The following TSPEAR variants were observed in gnomAD, a reference collection of about 807,000 sequenced individuals.
TSPEAR encodes thrombospondin type laminin G domain and EAR repeats, also known as thrombospondin-type laminin G domain and EAR repeat-containing protein.
In TSPEAR, 69 loss-of-function variants were observed where a neutral mutation model predicts 71.6. The ratio of observed to expected loss-of-function variants is 0.96; its 90% CI spans 0.79 to 1.18. The LOEUF (loss-of-function observed/expected upper bound fraction) is 1.18, where lower values mean the gene tolerates loss of function less well. Among genes scored for constraint, TSPEAR ranks in the 50% most tolerant of loss-of-function variants. The pLI, the probability that TSPEAR is intolerant of heterozygous loss-of-function variation, is 0.00. For synonymous variants in TSPEAR, 402 were observed against 387.2 expected, an observed-to-expected ratio of 1.04 and a Z score of -0.45; for missense variants, 971 against 894.9, an observed-to-expected ratio of 1.09 and a Z score of -1.09.
rs372616312 is a variant in TSPEAR, at chr21:44,600,655, G to A, written c.83-32650C>T. On this transcript the variant is annotated intron_variant, in intron 1 of 11. Transcript: ENST00000323084. The stretch of plus-strand genomic sequence containing the variant: ...GTCCACTATGTCTGTCTGCTCCAGC[G>A]ACCTGAGCTACGGCAGCCGCGTCTG... 3.3e-5 allele frequency: 53 copies of A among 1,613,616 alleles called. 1 individual carries two copies. The African/African-American group carries it at 5.1e-4, about 15-fold the overall frequency.
intron 1 of TSPEAR, among the ~76,000 whole-genome samples, chr21:44,572,981 C>T (rs999301072): frequency 2.0e-5 from 3 of 151,726 alleles, no homozygotes; most frequent in East Asian, 1.9e-4. Context: ...GTGAGGGGAG[C>T]GGGGTGAGAC....
At position 44,525,848 on chromosome 21, in the gene TSPEAR, G is replaced by C. The variant is rs782349706; in HGVS notation, c.1150-9C>G. Reference sequence around the variant, plus strand: ...GCCACTGCCAGGAAGATCTGAAAGAGAGTAAACCGGGACCACGTGGTTCTG... The same window carrying C: ...GCCACTGCCAGGAAGATCTGAAAGACAGTAAACCGGGACCACGTGGTTCTG... On this transcript the variant is annotated splice_polypyrimidine_tract_variant and intron_variant, in intron 7 of 11. Transcript: ENST00000323084. The C allele has an allele frequency of 6.2e-7, 1 of 1,613,870 alleles. No individual in the cohort carries two copies. The highest frequency in any genetic ancestry group is 8.5e-7 in the Non-Finnish European group (1 of 1,179,924).
At chr21:44,667,268 A>T (rs781946437) in intron 1 of TSPEAR, among the ~76,000 whole-genome samples, 5 of 152,206 alleles carry the variant, frequency 3.3e-5, no homozygotes, top group East Asian at 3.9e-4. Context: ...TCCTTAAACC[A>T]CAGAAGTTTA....
rs372173836 is a variant in TSPEAR at position 44,529,858 on chromosome 21, G to C, written c.730C>G (p.Arg244Gly). The change falls in exon 5 of 12, where the codon CGG becomes GGG. Residue 244 changes from arginine to glycine, a missense_variant. Physicochemically the swap from Arg to Gly is moderately radical, Grantham distance 125 (BLOSUM62 -2). Transcript: ENST00000323084. ...NAPLAVLSIP[R>G]VLQALTGKPE... ...TTCCCCGTGAGAGCCTGCAGGACCCGTGGGATGGACAGCACCGCCAGCGGG... is the reference window on the plus strand; with the variant it reads ...TTCCCCGTGAGAGCCTGCAGGACCCCTGGGATGGACAGCACCGCCAGCGGG... 3.7e-6 allele frequency: 6 copies of C among 1,613,810 alleles called. No individual in the cohort carries two copies. In the East Asian group the frequency reaches 8.9e-5, roughly 24 times the overall value.
At chr21:44,657,950 TC>T in intron 1 of TSPEAR, 1 of 1,599,544 alleles carries the variant, frequency 6.3e-7, no homozygotes. Flanking sequence ...ACCATCCTCC[TC>T]CCCAGTACCA....
rs782777912 is a variant in TSPEAR at position 44,638,022 on chromosome 21, G to A, written c.83-70017C>T. 1.2e-5 allele frequency: 20 copies of A among 1,613,186 alleles called. No individual in the cohort carries two copies. The highest frequency in any genetic ancestry group is 1.7e-5 in the Admixed American group (1 of 59,900). On this transcript the variant is annotated intron_variant, in intron 1 of 11. Transcript: ENST00000323084. ...TGCCACCCTGTGTGCAAGTCCACCTGCTGCGTGCCCGTCCCCTCCTGCGGT... is the reference window on the plus strand; with the variant it reads ...TGCCACCCTGTGTGCAAGTCCACCTACTGCGTGCCCGTCCCCTCCTGCGGT...
At chr21:44,586,838 C>A (rs1555925754) in intron 1 of TSPEAR, among the ~76,000 whole-genome samples, 1 of 152,198 alleles carries the variant, frequency 6.6e-6, no homozygotes, top group Admixed American at 6.5e-5. Context: ...CAAAATCCAG[C>A]ATCTCTATGA....
chr21:44,551,945 G>A (rs1260932472), intron 2 of TSPEAR, among the ~76,000 whole-genome samples: 2 of 152,194 alleles, frequency 1.3e-5, no homozygotes, highest in Non-Finnish European at 2.9e-5. Flanking sequence ...GGGAAAAGAC[G>A]CTTGAGGACA....
At chr21:44,658,310 C>A in intron 1 of TSPEAR, 1 of 1,583,772 alleles carries the variant, frequency 6.3e-7, no homozygotes, top group Non-Finnish European at 8.6e-7. Context: ...ACCTGTATCC[C>A]TCCGTGAATA....
At chr21:44,528,380 A>G in intron 6 of TSPEAR, 72 bp downstream of exon 6, 2 of 1,598,500 alleles carry the variant, frequency 1.3e-6, no homozygotes, top group Non-Finnish European at 1.7e-6. Context: ...CCCCTCTCCT[A>G]GCCTCCACTC....
chr21:44,539,563 G>A lies in TSPEAR; in HGVS notation c.304-5640C>T, dbSNP rs1342696995. ...CAGAGCAGACGGGCACACAGCAGAT[G>A]GGCTTGCAGCAGACAGGCTTGCAAC... is the stretch of plus-strand genomic sequence containing the variant. On this transcript the variant is annotated intron_variant, in intron 2 of 11. Transcript: ENST00000323084. 43 of 1,613,358 alleles carry A rather than the reference G, an allele frequency of 2.7e-5. No individual in the cohort carries two copies. The African/African-American group carries it at 4.6e-4, about 17-fold the overall frequency.
intron 9 of TSPEAR, chr21:44,517,848 T>C: frequency 4.2e-6 from 2 of 471,174 alleles, no homozygotes; most frequent in Non-Finnish European, 8.8e-6. Flanking sequence ...AACTTTCCTT[T>C]GCTCTCGCGC....
chr21:44,696,406 C>G lies in TSPEAR; in HGVS notation c.82+15027G>C, dbSNP rs189577035. ...TATGCTCCTCTGCCTGCTGGTGCAG[C>G]CTTTTGCACAAGTTCTTCATTGTGA... On this transcript the variant is annotated intron_variant, in intron 1 of 11. Coordinates refer to ENST00000323084, the MANE Select transcript of TSPEAR (RefSeq NM_144991.3). Among the ~76,000 whole-genome samples the G allele has an allele frequency of 9.2e-4, 140 of 152,324 alleles. 1 individual carries two copies. The highest frequency in any genetic ancestry group is 3.1e-3 in the African/African-American group (130 of 41,570).
intron 1 of TSPEAR, among the ~76,000 whole-genome samples, chr21:44,704,271 G>T (rs1987801066): frequency 6.6e-6 from 1 of 151,454 alleles, no homozygotes; most frequent in African/African-American, 2.4e-5. Context: ...CTCTCCAGGG[G>T]TCCCTACCAT....
intron 1 of TSPEAR, among the ~76,000 whole-genome samples, chr21:44,582,150 C>G (rs1979019333): frequency 6.6e-6 from 1 of 152,224 alleles, no homozygotes; most frequent in Admixed American, 6.5e-5. Flanking sequence ...GTCATATCAG[C>G]GGGTGTGCTA....
At chr21:44,509,620 TC>T (rs1272218834) in intron 9 of TSPEAR, among the ~76,000 whole-genome samples, 2 of 152,020 alleles carry the variant, frequency 1.3e-5, no homozygotes, top group Non-Finnish European at 2.9e-5. Flanking sequence ...TCCCTGGCTG[TC>T]CCCAGGGCTG....
rs587721995 is a variant in TSPEAR, at chr21:44,617,112, G to C, written c.83-49107C>G. 2.0e-5 allele frequency among the ~76,000 whole-genome samples: 3 copies of C among 152,218 alleles called. No individual in the cohort carries two copies. The East Asian group carries it at 5.8e-4, about 29-fold the overall frequency. On this transcript the variant is annotated intron_variant, in intron 1 of 11. Transcript: ENST00000323084. ...CACTCACCCACTCATGCCTCCCCCA[G>C]CTCACCTCCTCCACACCCCCAGCAT... is the stretch of plus-strand genomic sequence containing the variant.
chr21:44,518,232 CCTTTTT>C, intron 9 of TSPEAR: 1 of 439,558 alleles, frequency 2.3e-6, no homozygotes, highest in South Asian at 1.7e-5. Context: ...TTTCTTTCAG[CCTTTTT>C]CTTTAGCCTG....
At chr21:44,588,774 T>G in intron 1 of TSPEAR, among the ~76,000 whole-genome samples, 1 of 112,016 alleles carries the variant, frequency 8.9e-6, no homozygotes, top group Non-Finnish European at 2.1e-5. Context: ...TGTATATATA[T>G]GTATGTGTGT....
Sources: gnomAD v4.1 joint callset for allele counts (sites outside exome capture counted in the v4.1 genomes callset) on GRCh38, gnomAD v4.1.1 for gene constraint, MANE v1.5 for transcripts, NCBI Gene and HGNC (gene_info 2026-07-23, HGNC 2026-07-21) for gene names.